SLC9C1: variants seen among roughly 807,000 people sequenced by gnomAD.
SLC9C1 encodes solute carrier family 9 member C1.
A neutral mutation model predicts 140.9 loss-of-function variants in SLC9C1; 97 were observed. That is an observed-to-expected ratio of 0.69 (90% CI 0.58 to 0.82). The LOEUF is 0.82. Among genes scored for constraint, SLC9C1 ranks in the 40% least tolerant of loss-of-function variants. SLC9C1 has a pLI of 0.00. For missense variants in SLC9C1, 1,340 were observed against 1,389.3 expected, an observed-to-expected ratio of 0.96 and a Z score of 0.56; for synonymous variants, 440 against 442.6, an observed-to-expected ratio of 0.99 and a Z score of 0.07.
At chr3:112,271,261 A>G (rs1313721631) in intron 6 of SLC9C1, among the ~76,000 whole-genome samples, 1 of 152,030 alleles carries the variant, frequency 6.6e-6, no homozygotes, top group Admixed American at 6.6e-5. Flanking sequence ...ATTCCACAGC[A>G]AAGTGACTGT....
At chr3:112,238,317 T>C (rs1013482932) in intron 12 of SLC9C1, among the ~76,000 whole-genome samples, 1 of 152,232 alleles carries the variant, frequency 6.6e-6, no homozygotes, top group Non-Finnish European at 1.5e-5. Flanking sequence ...TCAGGTCCTT[T>C]AAGGACTTCT....
intron 28 of SLC9C1, among the ~76,000 whole-genome samples, chr3:112,150,820 ACATATATATATATATATATATTT>A (rs1560003471): frequency 1.3e-4 from 4 of 31,634 alleles, no homozygotes; most frequent in African/African-American, 2.4e-4. Context: ...AAATACATAT[ACATATATATATATATATATATTT>A]TTTTTTTTTT....
chr3:112,161,075 G>C (rs2075283794), intron 26 of SLC9C1, among the ~76,000 whole-genome samples: 1 of 151,468 alleles, frequency 6.6e-6, no homozygotes, highest in Non-Finnish European at 1.5e-5. Flanking sequence ...CTTCTTTTGA[G>C]AAGTGTCTGT....
intron 25 of SLC9C1, among the ~76,000 whole-genome samples, chr3:112,168,535 A>G (rs1211034602): frequency 6.6e-6 from 1 of 152,216 alleles, no homozygotes; most frequent in African/African-American, 2.4e-5. Context: ...TTGTTGATAC[A>G]GTTTTTCTGC....
rs868771518 is a variant in SLC9C1 at position 112,151,464 on chromosome 3, C to A, written c.3524+393G>T. The A allele has an allele frequency of 1.2e-5, 6 of 519,354 alleles. No individual in the cohort carries two copies. The Middle Eastern group carries it at 1.6e-3, about 137-fold the overall frequency. The allele number at this position is 519,354 out of a possible 1,614,324, so 32.2% of individuals were successfully genotyped here. A position where few individuals can be genotyped will look rare whatever the true frequency, so the allele number is the denominator to read the frequency against. The stretch of plus-strand genomic sequence containing the variant: ...TGTATCTTTTATGGTAGTTTAATTG[C>A]CTTCTGGTAGGTTTTGTCTTCTTAA... On this transcript the variant is annotated intron_variant, in intron 28 of 28. Transcript: ENST00000305815.
intron 12 of SLC9C1, among the ~76,000 whole-genome samples, chr3:112,233,961 A>T (rs1365193252): frequency 6.6e-6 from 1 of 152,170 alleles, no homozygotes; most frequent in East Asian, 1.9e-4. Flanking sequence ...GTGTCTTTAT[A>T]GCAGCATGTT....
intron 28 of SLC9C1, among the ~76,000 whole-genome samples, chr3:112,147,997 G>A (rs1378620622): frequency 6.6e-6 from 1 of 152,078 alleles, no homozygotes; most frequent in Non-Finnish European, 1.5e-5. Context: ...GGCAGACAGG[G>A]TTAGTTCAAA....
chr3:112,199,690 T>C (rs1206779240), intron 19 of SLC9C1, among the ~76,000 whole-genome samples: 3 of 151,990 alleles, frequency 2.0e-5, no homozygotes, highest in African/African-American at 7.2e-5. Context: ...TGTGCCCAAG[T>C]CCATGGAGAA....
At chr3:112,155,793 A>C (rs1251725386) in intron 26 of SLC9C1, among the ~76,000 whole-genome samples, 1 of 152,046 alleles carries the variant, frequency 6.6e-6, no homozygotes, top group East Asian at 1.9e-4. Context: ...AGGGCCCAAA[A>C]CCATGCCCTG....
chr3:112,281,771 A>G (rs1238975781), intron 2 of SLC9C1, among the ~76,000 whole-genome samples: 4 of 152,358 alleles, frequency 2.6e-5, no homozygotes, highest in Admixed American at 2.6e-4. Context: ...GAATTTTGCT[A>G]AAATTGAAGC....
chr3:112,267,284 GAGA>G (rs1487147852), intron 7 of SLC9C1, among the ~76,000 whole-genome samples: 83 of 151,738 alleles, frequency 5.5e-4, no homozygotes, highest in African/African-American at 1.9e-3. Context: ...CTGTTTCTAA[GAGA>G]GAGACAGGGC....
At chr3:112,257,573 G>A (rs2079644669) in intron 10 of SLC9C1, among the ~76,000 whole-genome samples, 2 of 152,106 alleles carry the variant, frequency 1.3e-5, no homozygotes, top group South Asian at 2.1e-4. Context: ...AGACTTAAAT[G>A]TAAGACTCAA....
chr3:112,202,120 TAA>T (rs1266665474), intron 18 of SLC9C1, 128 bp downstream of exon 18: 2 of 1,032,868 alleles, frequency 1.9e-6, no homozygotes, highest in African/African-American at 3.3e-5. Context: ...TAACCTAGTT[TAA>T]GTTTTTAAAG....
chr3:112,255,840 C>A (rs1057030261), intron 10 of SLC9C1, among the ~76,000 whole-genome samples: 1 of 151,890 alleles, frequency 6.6e-6, no homozygotes, highest in Non-Finnish European at 1.5e-5. Flanking sequence ...AAGCTTCTAG[C>A]TAGACTAATA....
At chr3:112,229,278 A>T (rs903775242) in intron 13 of SLC9C1, among the ~76,000 whole-genome samples, 4 of 152,222 alleles carry the variant, frequency 2.6e-5, no homozygotes, top group South Asian at 4.1e-4. Context: ...CAGGGTGATT[A>T]TAGTAAACAC....
chr3:112,218,574 T>C (rs561411489), intron 14 of SLC9C1, among the ~76,000 whole-genome samples: 1 of 152,362 alleles, frequency 6.6e-6, no homozygotes, highest in East Asian at 1.9e-4. Context: ...GATTCATTTA[T>C]AATTGAAAAA....
intron 26 of SLC9C1, among the ~76,000 whole-genome samples, chr3:112,166,734 A>C (rs1432515981): frequency 6.6e-6 from 1 of 152,088 alleles, no homozygotes; most frequent in Admixed American, 6.5e-5. Context: ...TTCAATTTTT[A>C]AATTTATCTC....
chr3:112,223,358 A>G (rs920588324), intron 13 of SLC9C1, among the ~76,000 whole-genome samples: 3 of 152,172 alleles, frequency 2.0e-5, no homozygotes, highest in Admixed American at 6.6e-5. Context: ...AACTAAATTC[A>G]TATTCCAGCC....
rs5851826 is a variant in SLC9C1 at position 112,262,849 on chromosome 3, C to CA, written c.1197+74dup. On this transcript the variant is annotated intron_variant, in intron 10 of 28. Transcript: ENST00000305815. ...CAAGTGAAGTTGAGCTACCTCACTA[C>CA]AAAAAAACATATATTTTAAATACAC... The CA allele has an allele frequency of 2.4e-5, 31 of 1,269,030 alleles. No individual in the cohort carries two copies. In the African/African-American group the frequency reaches 2.6e-4, roughly 11 times the overall value. 78.6% of individuals were successfully genotyped at this position (1,269,030 alleles called of 1,614,324 possible).
Sources: gnomAD v4.1 joint callset for allele counts (sites outside exome capture counted in the v4.1 genomes callset) on GRCh38, gnomAD v4.1.1 for gene constraint, MANE v1.5 for transcripts, NCBI Gene and HGNC (gene_info 2026-07-23, HGNC 2026-07-21) for gene names.